The following CRTC3 variants were observed in gnomAD, a reference collection of about 807,000 sequenced individuals.
The protein encoded by CRTC3 is CREB regulated transcription coactivator 3, also known as CREB-regulated transcription coactivator 3.
Under a neutral mutation model 74.5 loss-of-function variants are expected in CRTC3, and 26 were observed. That is an observed-to-expected ratio of 0.35 (90% confidence interval 0.26 to 0.48). The LOEUF (loss-of-function observed/expected upper bound fraction) is 0.48, where lower values mean the gene tolerates loss of function less well. Ranked by LOEUF, CRTC3 falls within the 20% of genes least tolerant of loss-of-function variation. CRTC3 has a pLI of 0.99. For missense variants in CRTC3, 760 were observed against 787.3 expected (o/e 0.97, Z 0.41); for synonymous variants, 377 against 325.8 (o/e 1.16, Z -1.69).
At chr15:90,614,596 T>C in intron 7 of CRTC3, 108 bp downstream of exon 7, 1 of 719,982 alleles carries the variant, frequency 1.4e-6, no homozygotes, top group Non-Finnish European at 2.4e-6. Flanking sequence ...CTCCCCCAAA[T>C]GCTGACAACT....
intron 2 of CRTC3, among the ~76,000 whole-genome samples, chr15:90,556,259 A>C (rs1458712800): frequency 6.6e-6 from 1 of 152,162 alleles, no homozygotes; most frequent in Non-Finnish European, 1.5e-5. Flanking sequence ...GGTAATAAAC[A>C]CTTTTATGTA....
At chr15:90,630,547 G>A (rs562337803) in intron 11 of CRTC3, among the ~76,000 whole-genome samples, 6 of 152,220 alleles carry the variant, frequency 3.9e-5, no homozygotes, top group East Asian at 1.9e-4. Flanking sequence ...CCAGGAGGTC[G>A]AGGCTGCAGT....
chr15:90,589,638 C>T lies in CRTC3; in HGVS notation c.232-3998C>T, dbSNP rs533156662. Among the ~76,000 whole-genome samples, 8 of 152,334 alleles carry T rather than the reference C, an allele frequency of 5.3e-5. No individual in the cohort carries two copies. In the South Asian group the frequency reaches 1.7e-3, roughly 32 times the overall value. Reference sequence around the variant, plus strand: ...CCTCCCGCAATGCTAGGATTATAGGCGTGAGCCACTACAACCAGCCCAAAT... The same window carrying T: ...CCTCCCGCAATGCTAGGATTATAGGTGTGAGCCACTACAACCAGCCCAAAT... On this transcript the variant is annotated intron_variant, in intron 2 of 14. Coordinates refer to ENST00000268184, the MANE Select transcript of CRTC3 (RefSeq NM_022769.5).
intron 9 of CRTC3, among the ~76,000 whole-genome samples, chr15:90,620,663 T>C (rs922173014): frequency 1.3e-5 from 2 of 152,104 alleles, no homozygotes; most frequent in Non-Finnish European, 2.9e-5. Context: ...CCAAGGAGGC[T>C]TCCTGGGGCT....
intron 2 of CRTC3, among the ~76,000 whole-genome samples, chr15:90,566,561 AAAG>A (rs1320064293): frequency 1.3e-5 from 2 of 150,838 alleles, no homozygotes; most frequent in Non-Finnish European, 3.0e-5. Flanking sequence ...TAAAAAAAAA[AAAG>A]AGGAAGAAGA....
Position 90,620,924 on chromosome 15 carries a change from G to T in CRTC3, c.749+1134G>T, listed in dbSNP as rs1029272029. 3.9e-5 allele frequency among the ~76,000 whole-genome samples: 6 copies of T among 152,304 alleles called. No homozygotes were observed. In the East Asian group the frequency reaches 1.2e-3, roughly 29 times the overall value. ...GCGCAGTCAAGGCACTCTCTACTGA[G>T]TACCTGGAGCTCAGACATTCTTTCT... On this transcript the variant is annotated intron_variant, in intron 9 of 14. Transcript: ENST00000268184.
intron 2 of CRTC3, among the ~76,000 whole-genome samples, chr15:90,588,774 C>G (rs1013625423): frequency 2.6e-5 from 4 of 152,156 alleles, no homozygotes; most frequent in Non-Finnish European, 5.9e-5. Context: ...CGAAAGGACT[C>G]TGCAGGTCAG....
At chr15:90,563,701 G>A (rs1402351117) in intron 2 of CRTC3, among the ~76,000 whole-genome samples, 1 of 152,106 alleles carries the variant, frequency 6.6e-6, no homozygotes, top group African/African-American at 2.4e-5. Flanking sequence ...CCAACCGAGA[G>A]CAAGAAAAAA....
At chr15:90,632,793 C>T (rs1228822288) in intron 11 of CRTC3, among the ~76,000 whole-genome samples, 3 of 152,112 alleles carry the variant, frequency 2.0e-5, no homozygotes, top group Non-Finnish European at 4.4e-5. Context: ...TTAGTAGATA[C>T]AGGGTTTTAC....
Position 90,539,779 on chromosome 15 carries a change from A to G in CRTC3, c.133-260A>G, listed in dbSNP as rs1028515603. On this transcript the variant is annotated intron_variant, in intron 1 of 14. Transcript: ENST00000268184. The stretch of plus-strand genomic sequence containing the variant: ...AAAGATTATGCCAGTGTATCCAAAC[A>G]TACACACTCAAAGACCTTGCAAGAG... 7.3e-6 allele frequency: 3 copies of G among 410,926 alleles called. No homozygotes were observed. In the Admixed American group the frequency reaches 1.4e-4, roughly 19 times the overall value. The allele number at this position is 410,926 out of a possible 1,614,324, so 25.5% of individuals were successfully genotyped here.
At chr15:90,581,091 G>T (rs1173461932) in intron 2 of CRTC3, among the ~76,000 whole-genome samples, 1 of 152,140 alleles carries the variant, frequency 6.6e-6, no homozygotes, top group African/African-American at 2.4e-5. Flanking sequence ...GCCTGGGAAA[G>T]TACTCCGTTC....
intron 2 of CRTC3, among the ~76,000 whole-genome samples, chr15:90,548,506 T>C (rs1421710096): frequency 6.6e-6 from 1 of 152,218 alleles, no homozygotes; most frequent in Non-Finnish European, 1.5e-5. Context: ...AAAAATCATG[T>C]CTTTGACTTC....
intron 11 of CRTC3, among the ~76,000 whole-genome samples, chr15:90,634,108 C>T (rs564097304): frequency 8.5e-6 from 1 of 118,134 alleles, no homozygotes; most frequent in Non-Finnish European, 1.9e-5. Context: ...CATTTACCCT[C>T]AACAATTAAT....
At chr15:90,612,026 A>ACCC (rs143245311) in intron 6 of CRTC3, among the ~76,000 whole-genome samples, 1 of 51,242 alleles carries the variant, frequency 2.0e-5, no homozygotes, top group Non-Finnish European at 3.6e-5. Context: ...ACCACCCCCC[A>ACCC]CTCCTCCTCC....
rs567937467 is a variant in CRTC3, at chr15:90,559,434, G to T, written c.231+19297G>T. ...AGACTTTATTATTATCCAGATTTAT[G>T]TTCAAGTTGCAGCTCTGTCAATTAC... On this transcript the variant is annotated intron_variant, in intron 2 of 14. Coordinates refer to ENST00000268184, the MANE Select transcript of CRTC3 (RefSeq NM_022769.5). Among the ~76,000 whole-genome samples the T allele has an allele frequency of 2.6e-5, 4 of 152,226 alleles. No homozygotes were observed. In the South Asian group the frequency reaches 8.3e-4, roughly 32 times the overall value.
At chr15:90,619,446 A>G (rs993657720) in intron 8 of CRTC3, among the ~76,000 whole-genome samples, 13 of 152,226 alleles carry the variant, frequency 8.5e-5, no homozygotes, top group African/African-American at 1.9e-4. Context: ...GACAAGAGTG[A>G]AACTCCGTAA....
chr15:90,551,877 C>T (rs1421651095), intron 2 of CRTC3, among the ~76,000 whole-genome samples: 1 of 152,286 alleles, frequency 6.6e-6, no homozygotes, highest in East Asian at 1.9e-4. Context: ...GGCGGTTCCT[C>T]TGAAAGGGTG....
chr15:90,641,433 C>T (rs1462031267), intron 14 of CRTC3, among the ~76,000 whole-genome samples: 1 of 152,128 alleles, frequency 6.6e-6, no homozygotes, highest in Non-Finnish European at 1.5e-5. Context: ...TGCGGTGGCT[C>T]ACGCCTGTAA....
intron 2 of CRTC3, among the ~76,000 whole-genome samples, chr15:90,576,797 G>A (rs1967415501): frequency 6.6e-6 from 1 of 152,202 alleles, no homozygotes. Context: ...AGCGTGCAAA[G>A]TCTGTGGTTA....
Sources: gnomAD v4.1 joint callset for allele counts (sites outside exome capture counted in the v4.1 genomes callset) on GRCh38, gnomAD v4.1.1 for gene constraint, MANE v1.5 for transcripts, NCBI Gene and HGNC (gene_info 2026-07-23, HGNC 2026-07-21) for gene names.